Variants in MTRR observed in about 807,000 individuals in gnomAD.
The protein encoded by MTRR is methionine synthase reductase.
In MTRR, 63 loss-of-function variants were observed where a neutral mutation model predicts 79.2. The observed-to-expected ratio is 0.80, with a 90% confidence interval of 0.65 to 0.98. The LOEUF (loss-of-function observed/expected upper bound fraction) is 0.98. MTRR is among the 50% of genes least tolerant of loss of function. The pLI is 0.00. For missense variants in MTRR, 895 were observed against 839.6 expected, an observed-to-expected ratio of 1.07 and a Z score of -0.82; for synonymous variants, 355 against 313.3, an observed-to-expected ratio of 1.13 and a Z score of -1.41.
At chr5:7,854,809 A>T (rs528901633) in intron 1 of MTRR, among the ~76,000 whole-genome samples, 1 of 152,342 alleles carries the variant, frequency 6.6e-6, no homozygotes, top group African/African-American at 2.4e-5. Flanking sequence ...TCTGAGTCCC[A>T]GAGCTGAAGA....
chr5:7,853,734 G>T (rs543439711), intron 1 of MTRR, among the ~76,000 whole-genome samples: 1 of 152,288 alleles, frequency 6.6e-6, no homozygotes, highest in African/African-American at 2.4e-5. Flanking sequence ...CTGTCTGCTC[G>T]GTGGAGGCTC....
intron 1 of MTRR, among the ~76,000 whole-genome samples, chr5:7,860,551 A>G (rs549224014): frequency 1.1e-4 from 16 of 152,314 alleles, no homozygotes; most frequent in African/African-American, 3.6e-4. Flanking sequence ...AAGCTCTGAA[A>G]ATTCTGTATT....
Position 7,896,940 on chromosome 5 carries a change from A to G in MTRR, c.1753A>G (p.Arg585Gly). ...WLFFGCRHKD[R>G]DYLFRKELRH... ...GTTTTTTGGCTGCAGGCATAAGGATAGGGATTATCTATTCAGGTATTGTAC... is the reference window on the plus strand; with the variant it reads ...GTTTTTTGGCTGCAGGCATAAGGATGGGGATTATCTATTCAGGTATTGTAC... Residue 585 changes from arginine (R) to glycine (G), a missense_variant, in exon 13 of 15, where the codon AGG becomes GGG. Arg to Gly is a moderately radical substitution (Grantham distance 125). Transcript: ENST00000440940. 1 of 1,614,130 alleles carries G rather than the reference A, an allele frequency of 6.2e-7. No homozygotes were observed. The highest frequency in any genetic ancestry group is 8.5e-7 in the Non-Finnish European group (1 of 1,179,984).
Position 7,883,255 on chromosome 5 carries a change from T to TG in MTRR, c.882dup (p.Leu295AlafsTer25), listed in dbSNP as rs1457039113. 1.2e-6 allele frequency: 2 copies of TG among 1,614,232 alleles called. No homozygotes were observed. Among genetic ancestry groups the TG allele is most frequent in the Non-Finnish European group, 1.7e-6 (2 of 1,180,032 alleles). ...ACGAATGATGCCATAAAAACCACTC[T>TG]GCTGGTAGAATTGGACATTTCAGTA... On this transcript the variant is annotated frameshift_variant, in exon 6 of 15. Coordinates refer to ENST00000440940, the MANE Select transcript of MTRR (RefSeq NM_002454.3). LOFTEE classifies it high-confidence loss of function.
chr5:7,890,460 T>C, intron 9 of MTRR: 1 of 955,376 alleles, frequency 1.0e-6, no homozygotes, highest in Non-Finnish European at 1.2e-6. Context: ...CGCATACTAA[T>C]TTATTTCAAT....
chr5:7,886,572 A>G (rs754605645), intron 7 of MTRR, 43 bp from the exon 8 acceptor site: 2 of 1,411,212 alleles, frequency 1.4e-6, no homozygotes, highest in South Asian at 1.1e-5. Flanking sequence ...TTTATTCTTC[A>G]TCTTCTATGT....
At chr5:7,851,272 C>T (rs1457408095) in exon 1 of MTRR, 13 of 384,860 alleles carry the variant, frequency 3.4e-5, no homozygotes, top group Non-Finnish European at 5.4e-5. Context: ...CCTTCCTCCT[C>T]GGGAGGAGCC....
intron 1 of MTRR, chr5:7,856,749 CTTTTTTT>C (rs3070060): frequency 6.9e-6 from 1 of 144,474 alleles, no homozygotes; most frequent in Non-Finnish European, 1.5e-5. Flanking sequence ...GGTAGGTATA[CTTTTTTT>C]TTTTTTTAAT....
chr5:7,881,671 A>G (rs1022203146), intron 5 of MTRR, among the ~76,000 whole-genome samples: 2 of 152,004 alleles, frequency 1.3e-5, no homozygotes, highest in Non-Finnish European at 2.9e-5. Flanking sequence ...GTGTCTTTCT[A>G]AGCTCCTGAG....
At chr5:7,874,588 C>CTTTTTTTTTTTTTT in intron 3 of MTRR, among the ~76,000 whole-genome samples, 1 of 108,216 alleles carries the variant, frequency 9.2e-6, no homozygotes, top group Non-Finnish European at 1.8e-5. Context: ...GGGATTTAAG[C>CTTTTTTTTTTTTTT]TTTTTTTTTT....
At chr5:7,873,183 G>C (rs1002284465) in intron 2 of MTRR, among the ~76,000 whole-genome samples, 190 bp from the exon 3 acceptor site, 3 of 152,180 alleles carry the variant, frequency 2.0e-5, no homozygotes, top group African/African-American at 7.2e-5. Flanking sequence ...TGGTTTCCTT[G>C]AATGACATCC....
At chr5:7,859,447 C>G in intron 1 of MTRR, 1 of 1,596,208 alleles carries the variant, frequency 6.3e-7, no homozygotes, top group Non-Finnish European at 8.6e-7. Context: ...ATTCTTGCAA[C>G]CAATGAACAG....
intron 1 of MTRR, among the ~76,000 whole-genome samples, chr5:7,856,074 A>C (rs1393346781): frequency 6.6e-6 from 1 of 152,218 alleles, no homozygotes; most frequent in Non-Finnish European, 1.5e-5. Flanking sequence ...GGAGAGACTC[A>C]AGCACAGCAA....
At chr5:7,868,781 G>T (rs954840366), upstream of MTRR, among the ~76,000 whole-genome samples, 2 of 152,194 alleles carry the variant, frequency 1.3e-5, no homozygotes, top group African/African-American at 4.8e-5. Context: ...ACACGTGTGT[G>T]CAAGACAGAC....
intron 1 of MTRR, among the ~76,000 whole-genome samples, chr5:7,852,852 G>A (rs879680408): frequency 2.3e-4 from 35 of 151,936 alleles, no homozygotes; most frequent in African/African-American, 2.4e-5. Flanking sequence ...GCTTTGCATT[G>A]GTGACCCAGT....
chr5:7,862,837 T>C (rs746796369), intron 2 of MTRR: 72 of 1,612,846 alleles, frequency 4.5e-5, no homozygotes, highest in Middle Eastern at 1.6e-4. Context: ...TGTATAACAA[T>C]AGGGTGTCAA....
At chr5:7,866,403 A>C (rs1746951631), upstream of MTRR, among the ~76,000 whole-genome samples, 1 of 152,154 alleles carries the variant, frequency 6.6e-6, no homozygotes, top group Non-Finnish European at 1.5e-5. Context: ...ATATCTCCTA[A>C]GAATGCTGCA....
chr5:7,896,892 G>A lies in MTRR; in HGVS notation c.1705G>A (p.Gly569Arg). 4 of 1,613,968 alleles carry A rather than the reference G, an allele frequency of 2.5e-6. No homozygotes were observed. Among genetic ancestry groups the A allele is most frequent in the Non-Finnish European group, 3.4e-6 (4 of 1,179,990 alleles). The part of the protein sequence containing the change: ...REKLQEQHPD[G>R]NFGAMWLFFG... ...GAAACTCCAAGAACAACACCCAGAT[G>A]GAAATTTTGGAGCAATGTGGTTGTT... Residue 569 changes from glycine to arginine, a missense_variant, in exon 13 of 15, where the codon GGA becomes AGA. Physicochemically the swap from Gly to Arg is moderately radical, Grantham distance 125. Coordinates refer to ENST00000440940, the MANE Select transcript of MTRR (RefSeq NM_002454.3).
At chr5:7,873,549 C>G (rs750878635) in intron 3 of MTRR, 23 bp downstream of exon 3, 1 of 1,612,020 alleles carries the variant, frequency 6.2e-7, no homozygotes, top group South Asian at 1.1e-5. Context: ...CTCTTCTGAT[C>G]TTACTATAGT....
Sources: allele counts gnomAD v4.1 joint callset (sites outside exome capture counted in the v4.1 genomes callset), GRCh38; gene constraint gnomAD v4.1.1; transcripts MANE v1.5; gene names NCBI Gene and HGNC (gene_info 2026-07-23, HGNC 2026-07-21).